KIF13B: variants seen among roughly 807,000 people sequenced by gnomAD.
The protein encoded by KIF13B is kinesin family member 13B.
KIF13B carries 127 observed loss-of-function variants against 222.0 expected under a neutral mutation model. The observed-to-expected ratio is 0.57, with a 90% CI of 0.50 to 0.66. KIF13B has a LOEUF of 0.66. KIF13B is among the 30% of genes least tolerant of loss of function. KIF13B has a pLI of 0.00. For missense variants in KIF13B, 2,173 were observed against 2,379.0 expected (o/e 0.91, Z 1.80); for synonymous variants, 976 against 919.0 (o/e 1.06, Z -1.12).
At chr8:29,092,133 A>C (rs1382299867) in intron 37 of KIF13B, among the ~76,000 whole-genome samples, 2 of 152,250 alleles carry the variant, frequency 1.3e-5, no homozygotes, top group African/African-American at 2.4e-5. Flanking sequence ...TTTTCTGCTG[A>C]GTTAACACCT....
At position 29,167,396 on chromosome 8, in the gene KIF13B, G is replaced by A. The variant is rs777021212; in HGVS notation, c.1135C>T (p.Arg379Trp). 126 of 1,612,712 alleles carry A rather than the reference G, an allele frequency of 7.8e-5. 1 individual carries two copies. The South Asian group carries it at 7.9e-4, about 10-fold the overall frequency. ...RDLREEVEKL[R>W]EQLTKAEAMK... ...ACCTCTGCTTTGGTCAGCTGCTCCC[G>A]GAGTTTCTCAACTTCTTCCCGGAGA... The change falls in exon 11 of 40, where the codon CGG (arginine) becomes TGG (tryptophan). Residue 379 changes from arginine (R) to tryptophan (W), a missense_variant. By Grantham distance (101) the Arg-to-Trp change is moderately radical. Transcript: ENST00000524189.
chr8:29,193,226 C>G (rs1317386246), intron 3 of KIF13B, among the ~76,000 whole-genome samples: 1 of 152,200 alleles, frequency 6.6e-6, no homozygotes, highest in East Asian at 1.9e-4. Flanking sequence ...CATCCAGCTG[C>G]AGTGTTGTGT....
At chr8:29,202,300 C>T (rs1586919833) in intron 2 of KIF13B, among the ~76,000 whole-genome samples, 2 of 152,032 alleles carry the variant, frequency 1.3e-5, no homozygotes, top group African/African-American at 2.4e-5. Flanking sequence ...GGAAGGTTGC[C>T]GCAAGTGGGA....
intron 19 of KIF13B, 67 bp from the exon 20 acceptor site, chr8:29,140,684 C>G: frequency 7.4e-7 from 1 of 1,350,298 alleles, no homozygotes; most frequent in South Asian, 1.3e-5. Flanking sequence ...CAACCTACTG[C>G]TTTTTGATGC....
At chr8:29,081,826 T>C (rs1418159575) in intron 37 of KIF13B, among the ~76,000 whole-genome samples, 1 of 152,234 alleles carries the variant, frequency 6.6e-6, no homozygotes, top group Non-Finnish European at 1.5e-5. Flanking sequence ...CCTGGTGTGG[T>C]GCCAGGTATG....
chr8:29,256,651 C>T (rs1395882834), intron 1 of KIF13B, among the ~76,000 whole-genome samples: 1 of 152,142 alleles, frequency 6.6e-6, no homozygotes, highest in Non-Finnish European at 1.5e-5. Context: ...TAATCATGTC[C>T]AACATTGTAG....
At chr8:29,158,855 A>T (rs986753084) in intron 13 of KIF13B, among the ~76,000 whole-genome samples, 8 of 152,338 alleles carry the variant, frequency 5.3e-5, no homozygotes, top group South Asian at 4.1e-4. Context: ...CTCTCCAAAC[A>T]TCTTTAAACA....
At chr8:29,075,386 C>G in intron 37 of KIF13B, 43 bp from the exon 38 acceptor site, 3 of 1,522,470 alleles carry the variant, frequency 2.0e-6, no homozygotes, top group Admixed American at 2.0e-5. Context: ...GAGGACAGAA[C>G]AGGGGTAGCA....
chr8:29,092,990 AT>A (rs1306213515), intron 36 of KIF13B, 112 bp from the exon 37 acceptor site: 4 of 971,866 alleles, frequency 4.1e-6, no homozygotes, highest in Non-Finnish European at 5.9e-6. Context: ...AACCAAAGGT[AT>A]CCTTAAAAAA....
intron 2 of KIF13B, among the ~76,000 whole-genome samples, chr8:29,238,434 A>G (rs559482331): frequency 2.0e-5 from 3 of 152,232 alleles, no homozygotes. Flanking sequence ...TGTTTTGTTC[A>G]TATTAGGTAC....
intron 3 of KIF13B, among the ~76,000 whole-genome samples, chr8:29,193,078 C>T (rs552982334): frequency 2.4e-4 from 37 of 152,068 alleles, no homozygotes; most frequent in Non-Finnish European, 5.0e-4. Context: ...ATCGGCACAC[C>T]TGCATCTCTG....
At chr8:29,104,661 C>A (rs527477899) in intron 35 of KIF13B, among the ~76,000 whole-genome samples, 1 of 152,280 alleles carries the variant, frequency 6.6e-6, no homozygotes, top group East Asian at 1.9e-4. Context: ...CCCTGCCATT[C>A]CTTGGGACAT....
At chr8:29,183,054 G>A (rs1430438997) in intron 6 of KIF13B, among the ~76,000 whole-genome samples, 3 of 151,484 alleles carry the variant, frequency 2.0e-5, no homozygotes, top group African/African-American at 7.3e-5. Flanking sequence ...TAAGGTTACT[G>A]ATTTTCATTT....
intron 26 of KIF13B, among the ~76,000 whole-genome samples, chr8:29,124,375 G>T (rs1408986380): frequency 6.6e-6 from 1 of 152,148 alleles, no homozygotes; most frequent in Admixed American, 6.5e-5. Context: ...ATGGCTTGGG[G>T]GTAGAGCTTT....
At chr8:29,202,455 C>A (rs1586920030) in intron 2 of KIF13B, among the ~76,000 whole-genome samples, 1 of 152,120 alleles carries the variant, frequency 6.6e-6, no homozygotes, top group Admixed American at 6.5e-5. Flanking sequence ...GTAGCTGGGA[C>A]TACAGGCACC....
At chr8:29,227,457 T>C (rs1156316390) in intron 2 of KIF13B, among the ~76,000 whole-genome samples, 1 of 152,114 alleles carries the variant, frequency 6.6e-6, no homozygotes, top group Admixed American at 6.5e-5. Flanking sequence ...ACCCGGCTAA[T>C]TTTTGTATTT....
chr8:29,258,523 C>A (rs1357885456), intron 1 of KIF13B, among the ~76,000 whole-genome samples: 3 of 152,182 alleles, frequency 2.0e-5, no homozygotes, highest in African/African-American at 7.2e-5. Flanking sequence ...GGGCTTCCTG[C>A]AATCCACCTG....
chr8:29,212,615 A>G (rs992764569), intron 2 of KIF13B, among the ~76,000 whole-genome samples: 1 of 151,952 alleles, frequency 6.6e-6, no homozygotes, highest in East Asian at 1.9e-4. Flanking sequence ...TTCCATATCT[A>G]TTCAGTCCTT....
chr8:29,107,797 T>C (rs1389560762), intron 35 of KIF13B, among the ~76,000 whole-genome samples: 1 of 152,088 alleles, frequency 6.6e-6, no homozygotes, highest in Admixed American at 6.6e-5. Context: ...CCTGACCTCG[T>C]GATCCGCCCT....
Sources: gnomAD v4.1 joint callset for allele counts (sites outside exome capture counted in the v4.1 genomes callset) on GRCh38, gnomAD v4.1.1 for gene constraint, MANE v1.5 for transcripts, NCBI Gene and HGNC (gene_info 2026-07-23, HGNC 2026-07-21) for gene names.